The following GLRA2 variants were observed in gnomAD, a reference collection of about 807,000 sequenced individuals.
GLRA2 encodes glycine receptor alpha 2, also known as glycine receptor subunit alpha-2.
A neutral mutation model predicts 31.6 loss-of-function variants in GLRA2; 11 were observed. That is an observed-to-expected ratio of 0.35 (90% CI 0.22 to 0.58). The LOEUF (loss-of-function observed/expected upper bound fraction) is 0.58, where lower values mean the gene tolerates loss of function less well. Among genes scored for constraint, GLRA2 ranks in the 20% least tolerant of loss-of-function variants. The pLI is 0.84. For missense variants in GLRA2, 212 were observed against 351.8 expected (o/e 0.60, Z 3.18); for synonymous variants, 132 against 134.0 (o/e 0.99, Z 0.10).
At chrX:14,624,204 A>G (rs2090559412) in intron 7 of GLRA2, among the ~76,000 whole-genome samples, 1 of 111,110 alleles carries the variant, frequency 9.0e-6, no homozygotes, top group Non-Finnish European at 1.9e-5. Context: ...TATCCCCTTT[A>G]TCATTTTTTA....
chrX:14,604,482 C>A, intron 5 of GLRA2, 85 bp downstream of exon 5: 1 of 577,841 alleles, frequency 1.7e-6, no homozygotes, highest in Non-Finnish European at 2.9e-6. Context: ...AGAAAGGACC[C>A]TTACAACTCA....
chrX:14,512,853 A>C, the GLRA2 span, among the ~76,000 whole-genome samples: 1 of 111,942 alleles, frequency 8.9e-6, no homozygotes, highest in African/African-American at 3.2e-5. Flanking sequence ...AGCAATGTAC[A>C]CATTCAATGC....
rs758722703 is a variant in GLRA2, at chrX:14,724,626, C to CAAAAAAAAAAAA, written c.1081-5566_1081-5555dup. Among the ~76,000 whole-genome samples, 103 of 49,549 alleles carry CAAAAAAAAAAAA rather than the reference C, an allele frequency of 2.1e-3. 3 individuals carry two copies. Among genetic ancestry groups the CAAAAAAAAAAAA allele is most frequent in the African/African-American group, 6.6e-3 (76 of 11,536 alleles). 43.0% of individuals were successfully genotyped at this position (49,549 alleles called of 115,157 possible). A position where few individuals can be genotyped will look rare whatever the true frequency, so the allele number is the denominator to read the frequency against. ...GGGTGACAAAAGCAAAACTCTGTCT[C>CAAAAAAAAAAAA]AAAAAAAAAAAAAAAAAAAAAAAAA... is the stretch of plus-strand genomic sequence containing the variant. On this transcript the variant is annotated intron_variant, in intron 8 of 8. Transcript: ENST00000218075.
chrX:14,681,910 A>AATATATATATATATATATATATATAT, intron 7 of GLRA2, among the ~76,000 whole-genome samples: 19 of 41,212 alleles, frequency 4.6e-4, no homozygotes, highest in Admixed American at 7.8e-4. Context: ...AAAAAAAAAA[A>AATATATATATATATATATATATATAT]ATATATATAT....
intron 7 of GLRA2, among the ~76,000 whole-genome samples, chrX:14,620,718 T>C (rs1327970378): frequency 9.0e-6 from 1 of 111,472 alleles, no homozygotes; most frequent in African/African-American, 3.3e-5. Flanking sequence ...ATATCAAATA[T>C]ATTCCAGATT....
intron 4 of GLRA2, among the ~76,000 whole-genome samples, chrX:14,598,714 G>C (rs1454072775): frequency 1.8e-5 from 2 of 111,627 alleles, no homozygotes; most frequent in Non-Finnish European, 3.8e-5. Context: ...CATTTCCACA[G>C]AATAAAAGCC....
chrX:14,479,395 A>G, the GLRA2 span, among the ~76,000 whole-genome samples: 1 of 111,326 alleles, frequency 9.0e-6, no homozygotes, highest in African/African-American at 3.3e-5. Flanking sequence ...CTTTTTATCA[A>G]CTTTTATTTT....
At chrX:14,662,111 G>GT (rs753102390) in intron 7 of GLRA2, among the ~76,000 whole-genome samples, 1 of 109,635 alleles carries the variant, frequency 9.1e-6, no homozygotes, top group Non-Finnish European at 1.9e-5. Flanking sequence ...TAGAACTGAT[G>GT]TATCAGGACA....
the GLRA2 span, among the ~76,000 whole-genome samples, chrX:14,467,417 A>G: frequency 8.9e-6 from 1 of 112,106 alleles, no homozygotes; most frequent in African/African-American, 3.2e-5. Context: ...ACAGACCTCA[A>G]CATGAGGAGG....
chrX:14,630,100 A>G (rs974027588), intron 7 of GLRA2, among the ~76,000 whole-genome samples: 7 of 111,842 alleles, frequency 6.3e-5, no homozygotes, highest in South Asian at 3.6e-4. Context: ...ACCCATGGGA[A>G]TTATTTTAAC....
At chrX:14,680,201 C>G (rs2091185666) in intron 7 of GLRA2, among the ~76,000 whole-genome samples, 1 of 112,184 alleles carries the variant, frequency 8.9e-6, no homozygotes, top group South Asian at 3.7e-4. Context: ...ATGATACTTT[C>G]TAGAGCACAG....
chrX:14,498,839 C>G, the GLRA2 span, among the ~76,000 whole-genome samples: 1 of 111,210 alleles, frequency 9.0e-6, no homozygotes, highest in Non-Finnish European at 1.9e-5. Context: ...TTTTAAGCTC[C>G]CACGTGGGAA....
chrX:14,519,099 T>C, the GLRA2 span, among the ~76,000 whole-genome samples: 2 of 108,930 alleles, frequency 1.8e-5, no homozygotes, highest in African/African-American at 6.7e-5. Flanking sequence ...TTGTGTCTTA[T>C]GTTATCTGTG....
At chrX:14,635,996 A>G (rs1427646674) in intron 7 of GLRA2, among the ~76,000 whole-genome samples, 1 of 111,630 alleles carries the variant, frequency 9.0e-6, no homozygotes, top group Non-Finnish European at 1.9e-5. Context: ...GAAACACAGG[A>G]GCCAACTGAA....
At chrX:14,502,519 G>T in the GLRA2 span, among the ~76,000 whole-genome samples, 1 of 110,935 alleles carries the variant, frequency 9.0e-6, no homozygotes. Context: ...GATTTGTGTT[G>T]GTTATGTTCT....
intron 2 of GLRA2, among the ~76,000 whole-genome samples, chrX:14,567,629 C>T (rs1031931019): frequency 4.5e-5 from 5 of 111,984 alleles, no homozygotes; most frequent in African/African-American, 1.6e-4. Context: ...GAAGTTTTAT[C>T]CAGAGCAATT....
At chrX:14,672,679 A>G (rs186672976) in intron 7 of GLRA2, among the ~76,000 whole-genome samples, 107 of 112,110 alleles carry the variant, frequency 9.5e-4, no homozygotes, top group Non-Finnish European at 1.8e-3. Context: ...TAACTAACAA[A>G]AAGTGAGATC....
the GLRA2 span, among the ~76,000 whole-genome samples, chrX:14,491,145 C>A: frequency 8.9e-6 from 1 of 111,781 alleles, no homozygotes; most frequent in Admixed American, 9.5e-5. Context: ...CACCAAACAG[C>A]TTTTTTTCCT....
Position 14,681,995 on chromosome X carries a change from A to G in GLRA2, c.931-8715A>G, listed in dbSNP as rs780250391. Among the ~76,000 whole-genome samples, 119 of 90,597 alleles carry G rather than the reference A, an allele frequency of 1.3e-3. 1 individual carries two copies. Among genetic ancestry groups the G allele is most frequent in the Non-Finnish European group, 2.1e-3 (96 of 45,985 alleles). 78.7% of individuals were successfully genotyped at this position (90,597 alleles called of 115,157 possible). A position where few individuals can be genotyped will look rare whatever the true frequency, so the allele number is the denominator to read the frequency against. Reference sequence around the variant, plus strand: ...TGTGTATATATGTATTTATATATGTATGTGTGTGTGTGTGTGTATATATAT... The same window carrying G: ...TGTGTATATATGTATTTATATATGTGTGTGTGTGTGTGTGTGTATATATAT... On this transcript the variant is annotated intron_variant, in intron 7 of 8. Transcript: ENST00000218075.
Sources: allele counts gnomAD v4.1 joint callset (sites outside exome capture counted in the v4.1 genomes callset), GRCh38; gene constraint gnomAD v4.1.1; transcripts MANE v1.5; gene names NCBI Gene and HGNC (gene_info 2026-07-23, HGNC 2026-07-21).